RETSAT: variants seen among roughly 807,000 people sequenced by gnomAD.
RETSAT encodes retinol saturase.
RETSAT carries 35 observed loss-of-function variants against 61.6 expected under a neutral mutation model. The ratio of observed to expected loss-of-function variants is 0.57; its 90% CI spans 0.43 to 0.75. The LOEUF (loss-of-function observed/expected upper bound fraction) is 0.75, where lower values mean the gene tolerates loss of function less well. Ranked by LOEUF, RETSAT falls within the 30% of genes least tolerant of loss-of-function variation. The probability of loss-of-function intolerance (pLI) is 0.00; values close to 1 mark genes in which losing one functional copy is unlikely to be tolerated. For missense variants in RETSAT, 670 were observed against 759.5 expected, an observed-to-expected ratio of 0.88 and a Z score of 1.38; for synonymous variants, 277 against 310.4, an observed-to-expected ratio of 0.89 and a Z score of 1.13.
At chr2:85,351,609 C>T in intron 2 of RETSAT, 71 bp downstream of exon 2, 2 of 1,455,830 alleles carry the variant, frequency 1.4e-6, no homozygotes, top group Non-Finnish European at 1.9e-6. Flanking sequence ...CTCAGTATCA[C>T]CCCACAAGGG....
Position 85,343,269 on chromosome 2 carries a change from C to A in RETSAT, c.1806G>T (p.Arg602Ser), listed in dbSNP as rs1349467233. The part of the protein sequence containing the change: ...LYSDLKNLDS[R>S]IRAQKKKN ...AATTCTTTTTCTTCTGTGCCCGGAT[C>A]CTAGAATCAAGATTCTTAAGGTCTG... The change falls in exon 11 of 11, where the codon AGG becomes AGT. Residue 602 changes from arginine to serine, a missense_variant. Arg to Ser is a moderately radical substitution (Grantham distance 110). Transcript: ENST00000295802. The A allele has an allele frequency of 6.2e-7, 1 of 1,614,282 alleles. No individual in the cohort carries two copies. The highest frequency in any genetic ancestry group is 8.5e-7 in the Non-Finnish European group (1 of 1,180,040).
At chr2:85,351,254 G>A (rs376828789) in intron 2 of RETSAT, 9 of 554,624 alleles carry the variant, frequency 1.6e-5, no homozygotes, top group African/African-American at 7.5e-5. Context: ...GGCTGGGCAC[G>A]GTGGCTCACA....
chr2:85,345,740 C>A, intron 6 of RETSAT: 1 of 655,520 alleles, frequency 1.5e-6, no homozygotes, highest in Non-Finnish European at 2.8e-6. Context: ...CTCAGCCCTG[C>A]CCCTTTCAGC....
Position 85,350,825 on chromosome 2 carries a change from A to T in RETSAT, c.552T>A (p.Phe184Leu). Residue 184 changes from phenylalanine to leucine, a missense_variant, in exon 3 of 11, where the codon TTT becomes TTA. Transcript: ENST00000295802. ...KAYIQGLKEKFPQEEAIIDKY... is the reference protein window; with the variant it reads ...KAYIQGLKEKLPQEEAIIDKY... ...TGTCAATGATAGCTTCCTCCTGTGG[A>T]AACTTCTCCTTGAGGCCCTGAATGT... 2 of 1,614,196 alleles carry T rather than the reference A, an allele frequency of 1.2e-6. No individual in the cohort carries two copies. The highest frequency in any genetic ancestry group is 1.7e-6 in the Non-Finnish European group (2 of 1,180,028).
intron 7 of RETSAT, 75 bp from the exon 8 acceptor site, chr2:85,344,423 T>C (rs1007979293): frequency 3.2e-5 from 50 of 1,547,228 alleles, no homozygotes; most frequent in Admixed American, 5.2e-5. Flanking sequence ...AAGGACTGCT[T>C]ATCCCTAGGG....
chr2:85,349,479 A>G lies in RETSAT; in HGVS notation c.902T>C (p.Phe301Ser), dbSNP rs1281990072. The change falls in exon 5 of 11, where the codon TTC becomes TCC. Residue 301 changes from phenylalanine to serine, a missense_variant. Coordinates refer to ENST00000295802, the MANE Select transcript of RETSAT (RefSeq NM_017750.4). Reference protein sequence around the residue: ...YPRGGSSEIAFHTIPVIQRAG... With the variant: ...YPRGGSSEIASHTIPVIQRAG... Reference sequence around the variant, plus strand: ...CCGCTGAATCACAGGGATGGTGTGGAAGGCAATTTCACTGGAACCCCCTCG... The same window carrying G: ...CCGCTGAATCACAGGGATGGTGTGGGAGGCAATTTCACTGGAACCCCCTCG... The G allele has an allele frequency of 1.9e-6, 3 of 1,614,056 alleles. No individual in the cohort carries two copies. Among genetic ancestry groups the G allele is most frequent in the Non-Finnish European group, 2.5e-6 (3 of 1,180,022 alleles).
intron 5 of RETSAT, 144 bp from the exon 6 acceptor site, chr2:85,346,238 G>A (rs1683199556): frequency 1.9e-6 from 2 of 1,048,214 alleles, no homozygotes; most frequent in African/African-American, 1.6e-5. Context: ...GCAGGCCCCT[G>A]GGAAAATGCA....
At position 85,345,982 on chromosome 2, in the gene RETSAT, G is replaced by C. The variant is rs1423947306; in HGVS notation, c.1110C>G (p.Cys370Trp). The C allele has an allele frequency of 6.2e-7, 1 of 1,614,066 alleles. No individual in the cohort carries two copies. Among genetic ancestry groups the C allele is most frequent in the Non-Finnish European group, 8.5e-7 (1 of 1,180,042 alleles). The change falls in exon 6 of 11, where the codon TGC (cysteine) becomes TGG (tryptophan). Residue 370 changes from cysteine to tryptophan, a missense_variant. Physicochemically the swap from Cys to Trp is radical, Grantham distance 215 (BLOSUM62 -2). Transcript: ENST00000295802. The stretch of plus-strand genomic sequence containing the variant: ...TGCAGACCCGCCTTTTACCTGGCAG[G>C]CAGCGGGCGTTCCCCGGCAGTAGGT... ...YEHLLPGNARCLPGVKQQLGT... is the reference protein window; with the variant it reads ...YEHLLPGNARWLPGVKQQLGT...
intron 1 of RETSAT, 114 bp from the exon 2 acceptor site, chr2:85,351,976 G>T: frequency 2.1e-6 from 2 of 949,558 alleles, no homozygotes; most frequent in Non-Finnish European, 1.5e-6. Flanking sequence ...CCTCTAGAGT[G>T]GTTTGGCACA....
In RETSAT at chr2:85,343,336, G is replaced by A. The variant is rs1683119708; in HGVS notation, c.1739C>T (p.Ala580Val). The change falls in exon 11 of 11, where the codon GCC (alanine) becomes GTC (valine). Residue 580 changes from alanine (A) to valine (V), a missense_variant. Ala to Val is a moderately conservative substitution (Grantham distance 64). Transcript: ENST00000295802. ...CAGGATGGCGCTGCTGCACAGCAGG[G>A]CACCTTGCAGGGCCCCGACCAGTCC... ...TCGLVGALQG[A>V]LLCSSAILKR... 6.2e-7 allele frequency: 1 copy of A among 1,614,256 alleles called. No homozygotes were observed. Among genetic ancestry groups the A allele is most frequent in the African/African-American group, 1.3e-5 (1 of 75,090 alleles).
rs752514588 is a variant in RETSAT at position 85,344,157 on chromosome 2, T to C, written c.1375A>G (p.Thr459Ala). 6.2e-7 allele frequency: 1 copy of C among 1,614,108 alleles called. No homozygotes were observed. Among genetic ancestry groups the C allele is most frequent in the South Asian group, 1.1e-5 (1 of 91,086 alleles). ...TWEDRFPGRS[T>A]MIMLIPTAYE... ...GCAGTGGGTATGAGCATGATCATGG[T>C]GGACCGGCCTGGGGATCAGAGCTGA... The change falls in exon 9 of 11, where the codon ACC becomes GCC. Residue 459 changes from threonine (T) to alanine (A), a missense_variant. Coordinates refer to ENST00000295802, the MANE Select transcript of RETSAT (RefSeq NM_017750.4).
chr2:85,344,446 G>T, intron 7 of RETSAT, 98 bp from the exon 8 acceptor site: 2 of 1,528,280 alleles, frequency 1.3e-6, no homozygotes, highest in Non-Finnish European at 1.8e-6. Context: ...TCCCCACAGG[G>T]GTGAAGCTGA....
Position 85,350,883 on chromosome 2 carries a change from T to C in RETSAT, c.494A>G (p.Lys165Arg). The change falls in exon 3 of 11, where the codon AAG becomes AGG. Residue 165 changes from lysine to arginine, a missense_variant. Transcript: ENST00000295802. ...CTCTCCACTGTACATGGGGTACTCC[T>C]TTCGGCCATTGGGCCCTTCCAGTAC... is the stretch of plus-strand genomic sequence containing the variant. ...IMVLEGPNGRKEYPMYSGEKA... is the reference protein window; with the variant it reads ...IMVLEGPNGRREYPMYSGEKA... 1 of 1,614,242 alleles carries C rather than the reference T, an allele frequency of 6.2e-7. No homozygotes were observed. The highest frequency in any genetic ancestry group is 8.5e-7 in the Non-Finnish European group (1 of 1,180,048).
rs199885664 is a variant in RETSAT, at chr2:85,345,966, G to A, written c.1117+9C>T. ...CCTGCAAGAGGGGCAGTGCAGACCCGCCTTTTACCTGGCAGGCAGCGGGCG... is the reference window on the plus strand; with the variant it reads ...CCTGCAAGAGGGGCAGTGCAGACCCACCTTTTACCTGGCAGGCAGCGGGCG... On this transcript the variant is annotated intron_variant, in intron 6 of 10. Transcript: ENST00000295802. The A allele has an allele frequency of 4.0e-4, 644 of 1,614,134 alleles. No individual in the cohort carries two copies. The highest frequency in any genetic ancestry group is 4.3e-4 in the Non-Finnish European group (507 of 1,180,040).
At chr2:85,345,460 C>T (rs1478940768) in intron 6 of RETSAT, 1 of 274,612 alleles carries the variant, frequency 3.6e-6, no homozygotes, top group Non-Finnish European at 7.2e-6. Context: ...CTACTCCATG[C>T]TCTCCAGCTC....
chr2:85,349,355 A>G lies in RETSAT; in HGVS notation c.997+29T>C, dbSNP rs780432401. ...CTCGCCCACACCAACCCAGGGACCCAGAAGGGCAGGGCGGGGCAGGGCTCT... is the reference window on the plus strand; with the variant it reads ...CTCGCCCACACCAACCCAGGGACCCGGAAGGGCAGGGCGGGGCAGGGCTCT... On this transcript the variant is annotated intron_variant, in intron 5 of 10. Coordinates refer to ENST00000295802, the MANE Select transcript of RETSAT (RefSeq NM_017750.4). 10 of 1,612,802 alleles carry G rather than the reference A, an allele frequency of 6.2e-6. No individual in the cohort carries two copies. In the East Asian group the frequency reaches 2.2e-4, roughly 36 times the overall value.
rs1683133445 is a variant in RETSAT at position 85,343,775 on chromosome 2, GGA to G, written c.1555_1556del (p.Ser519ProfsTer19). 6.2e-7 allele frequency: 1 copy of G among 1,613,794 alleles called. No homozygotes were observed. ...EGKVESVTAG[S>X]PLTNQFYLAA... Reference sequence around the variant, plus strand: ...CCAGATAGAACTGGTTGGTGAGTGGGGATCCTGCAGTCACACTCTCCACCTGA... The same window carrying G: ...CCAGATAGAACTGGTTGGTGAGTGGGTCCTGCAGTCACACTCTCCACCTGA... On this transcript the variant is annotated frameshift_variant, in exon 10 of 11. Coordinates refer to ENST00000295802, the MANE Select transcript of RETSAT (RefSeq NM_017750.4). LOFTEE classifies it high-confidence loss of function.
rs750184389 is a variant in RETSAT, at chr2:85,350,794, T to C, written c.583A>G (p.Ile195Val). The change falls in exon 3 of 11, where the codon ATA becomes GTA. Residue 195 changes from isoleucine to valine, a missense_variant. Ile to Val is a conservative substitution (Grantham distance 29, BLOSUM62 3). Coordinates refer to ENST00000295802, the MANE Select transcript of RETSAT (RefSeq NM_017750.4). ...GTCCATGTTACCTTAACCAGCTTTA[T>C]ATACTTGTCAATGATAGCTTCCTCC... ...PQEEAIIDKY[I>V]KLVKVVSSGA... 7 of 1,614,250 alleles carry C rather than the reference T, an allele frequency of 4.3e-6. No homozygotes were observed. Among genetic ancestry groups the C allele is most frequent in the East Asian group, 2.2e-5 (1 of 44,890 alleles).
chr2:85,351,143 T>C, intron 2 of RETSAT, 122 bp from the exon 3 acceptor site: 1 of 1,149,572 alleles, frequency 8.7e-7, no homozygotes, highest in Non-Finnish European at 1.3e-6. Flanking sequence ...CAGAGTGAGC[T>C]GCTCACTCTG....
Sources: allele counts gnomAD v4.1 joint callset, GRCh38; gene constraint gnomAD v4.1.1; transcripts MANE v1.5; gene names NCBI Gene and HGNC (gene_info 2026-07-23, HGNC 2026-07-21).